The following MICU1 variants were observed in gnomAD, a reference collection of about 807,000 sequenced individuals.
MICU1 encodes the protein calcium uptake protein 1, mitochondrial.
MICU1 carries 45 observed loss-of-function variants against 56.8 expected under a neutral mutation model. The observed-to-expected ratio is 0.79, with a 90% CI of 0.62 to 1.02. MICU1 has a LOEUF of 1.02. Ranked by LOEUF, MICU1 falls within the 50% of genes least tolerant of loss-of-function variation. The pLI, the probability that MICU1 is intolerant of heterozygous loss-of-function variation, is 0.00. For synonymous variants in MICU1, 186 were observed against 195.1 expected, an observed-to-expected ratio of 0.95 and a Z score of 0.39; for missense variants, 504 against 587.1, an observed-to-expected ratio of 0.86 and a Z score of 1.46.
chr10:72,497,855 C>T (rs1460781952), intron 6 of MICU1, among the ~76,000 whole-genome samples: 1 of 152,214 alleles, frequency 6.6e-6, no homozygotes, highest in Non-Finnish European at 1.5e-5. Context: ...CTCAAATATG[C>T]TTTCATTCAA....
At position 72,477,269 on chromosome 10, in the gene MICU1, G is replaced by A. The variant is rs1866153763; in HGVS notation, c.653-13C>T. The A allele has an allele frequency of 3.3e-6, 5 of 1,519,566 alleles. No homozygotes were observed. Among genetic ancestry groups the A allele is most frequent in the East Asian group, 2.5e-5 (1 of 40,816 alleles). The allele number at this position is 1,519,566 out of a possible 1,614,324, so 94.1% of individuals were successfully genotyped here. On this transcript the variant is annotated splice_polypyrimidine_tract_variant and intron_variant, in intron 6 of 11. Transcript: ENST00000361114. ...TTTCTCTGAGGAGCTGCAGAGGAGA[G>A]AAAAAAAATATTTAGAAGGCATTGA...
chr10:72,618,106 G>C (rs1842023925), intron 1 of MICU1, among the ~76,000 whole-genome samples: 1 of 151,020 alleles, frequency 6.6e-6, no homozygotes, highest in South Asian at 2.1e-4. Context: ...GGTGGAGGCT[G>C]CAGTGAGCCG....
chr10:72,562,151 T>G (rs2132466098), intron 3 of MICU1, among the ~76,000 whole-genome samples: 1 of 136,008 alleles, frequency 7.4e-6, no homozygotes, highest in South Asian at 2.5e-4. Context: ...TAAAATCTTT[T>G]TTTTTTTTTT....
intron 8 of MICU1, among the ~76,000 whole-genome samples, chr10:72,447,104 T>C (rs7083067): frequency 0.041 from 6,232 of 152,186 alleles, 413 homozygotes; most frequent in African/African-American, 0.14. Context: ...GCATGGAAAG[T>C]TGAATTATAA....
intron 8 of MICU1, among the ~76,000 whole-genome samples, chr10:72,454,460 T>TAAAAAAACA (rs1865393700): frequency 7.3e-6 from 1 of 136,650 alleles, no homozygotes; most frequent in South Asian, 2.3e-4. Flanking sequence ...GTCTCACATT[T>TAAAAAAACA]AAAAAAACAA....
At chr10:72,507,695 G>C (rs1867301114) in intron 6 of MICU1, among the ~76,000 whole-genome samples, 1 of 152,148 alleles carries the variant, frequency 6.6e-6, no homozygotes, top group Admixed American at 6.5e-5. Context: ...GCCCAGGCTG[G>C]AGGGTGGTGG....
intron 10 of MICU1, among the ~76,000 whole-genome samples, chr10:72,404,361 G>A (rs1372890513): frequency 6.6e-6 from 1 of 152,102 alleles, no homozygotes; most frequent in Non-Finnish European, 1.5e-5. Context: ...ATCTTAAGAA[G>A]CTTAGAAAAA....
chr10:72,495,389 C>T (rs12356590), intron 6 of MICU1, among the ~76,000 whole-genome samples: 1 of 152,192 alleles, frequency 6.6e-6, no homozygotes, highest in Admixed American at 6.5e-5. Flanking sequence ...GGTGCAGTGG[C>T]TCACGCCTGT....
At chr10:72,586,663 A>C (rs1017424570) in intron 1 of MICU1, among the ~76,000 whole-genome samples, 21 of 152,104 alleles carry the variant, frequency 1.4e-4, no homozygotes, top group Non-Finnish European at 2.8e-4. Flanking sequence ...AAAAAAAAAA[A>C]ACCCATAGAT....
chr10:72,470,640 C>T (rs1349424449), intron 8 of MICU1, among the ~76,000 whole-genome samples: 2 of 152,160 alleles, frequency 1.3e-5, no homozygotes, highest in Admixed American at 6.5e-5. Context: ...GACCTAATCA[C>T]CCCTTAAAGC....
At chr10:72,591,253 C>T (rs1399195671) in intron 1 of MICU1, among the ~76,000 whole-genome samples, 1 of 151,836 alleles carries the variant, frequency 6.6e-6, no homozygotes, top group African/African-American at 2.4e-5. Context: ...TTTAAAGGTA[C>T]AAAATGAGTA....
chr10:72,593,325 C>A (rs1245101529), intron 1 of MICU1, among the ~76,000 whole-genome samples: 1 of 151,970 alleles, frequency 6.6e-6, no homozygotes, highest in Non-Finnish European at 1.5e-5. Context: ...AGCAGCCAGG[C>A]GTGGTGGCAC....
chr10:72,439,167 C>T (rs1333248632), intron 8 of MICU1, among the ~76,000 whole-genome samples: 1 of 152,262 alleles, frequency 6.6e-6, no homozygotes, highest in South Asian at 2.1e-4. Context: ...TACTGGCAAA[C>T]CAAATCCAGT....
At chr10:72,456,546 G>A (rs1386947657) in intron 8 of MICU1, among the ~76,000 whole-genome samples, 3 of 152,154 alleles carry the variant, frequency 2.0e-5, no homozygotes, top group African/African-American at 7.2e-5. Context: ...CTTAGAAGAG[G>A]CCTAGTCAAG....
chr10:72,370,784 A>T (rs1223726921), intron 11 of MICU1, among the ~76,000 whole-genome samples: 2 of 152,200 alleles, frequency 1.3e-5, no homozygotes, highest in African/African-American at 2.4e-5. Context: ...TAATCACAGC[A>T]CTTTGGGAGG....
chr10:72,547,827 C>T (rs1839934199), intron 4 of MICU1, among the ~76,000 whole-genome samples: 1 of 152,040 alleles, frequency 6.6e-6, no homozygotes, highest in Non-Finnish European at 1.5e-5. Flanking sequence ...AAGCAAGGTA[C>T]CAGTGTGGAA....
At chr10:72,584,095 A>G (rs1381501615) in intron 1 of MICU1, among the ~76,000 whole-genome samples, 4 of 152,238 alleles carry the variant, frequency 2.6e-5, no homozygotes, top group Non-Finnish European at 4.4e-5. Flanking sequence ...AGCTTTGCAC[A>G]TGTTCTGTTA....
intron 10 of MICU1, among the ~76,000 whole-genome samples, chr10:72,403,629 TTGTGTGTGTGTGTGTG>T (rs60373032): frequency 7.2e-5 from 10 of 139,824 alleles, no homozygotes; most frequent in African/African-American, 2.1e-4. Flanking sequence ...CATACCAAAA[TTGTGTGTGTGTGTGTG>T]TGTGTGTGTG....
chr10:72,382,650 T>C (rs1259238113), intron 10 of MICU1, among the ~76,000 whole-genome samples: 3 of 152,154 alleles, frequency 2.0e-5, no homozygotes, highest in African/African-American at 7.2e-5. Flanking sequence ...GGCTCACGCC[T>C]GTAATCCCAG....
Sources: gnomAD v4.1 joint callset for allele counts (sites outside exome capture counted in the v4.1 genomes callset) on GRCh38, gnomAD v4.1.1 for gene constraint, MANE v1.5 for transcripts, NCBI Gene and HGNC (gene_info 2026-07-23, HGNC 2026-07-21) for gene names.